TRIM5: variants seen among roughly 807,000 people sequenced by gnomAD.
TRIM5 encodes the protein tripartite motif containing 5.
TRIM5 carries 31 observed loss-of-function variants against 35.6 expected under a neutral mutation model. That is an observed-to-expected ratio of 0.87 (90% CI 0.65 to 1.18). TRIM5 has a LOEUF of 1.18. Among genes scored for constraint, TRIM5 ranks in the 50% most tolerant of loss-of-function variants. The probability of loss-of-function intolerance (pLI) is 0.00; values close to 1 mark genes in which losing one functional copy is unlikely to be tolerated. For synonymous variants in TRIM5, 243 were observed against 215.6 expected, an observed-to-expected ratio of 1.13 and a Z score of -1.11; for missense variants, 609 against 591.6, an observed-to-expected ratio of 1.03 and a Z score of -0.31.
chr11:5,620,998 T>C, the TRIM5 span, among the ~76,000 whole-genome samples: 1 of 152,236 alleles, frequency 6.6e-6, no homozygotes, highest in Non-Finnish European at 1.5e-5. Flanking sequence ...TTAGTCCCCA[T>C]ATCTTGGTGA....
the TRIM5 span, among the ~76,000 whole-genome samples, chr11:5,592,715 G>A: frequency 3.3e-5 from 5 of 151,968 alleles, no homozygotes; most frequent in Admixed American, 6.6e-5. Context: ...CCAGGAGTTT[G>A]AGATCAGCCT....
the TRIM5 span, among the ~76,000 whole-genome samples, chr11:5,601,036 T>C: frequency 1.3e-5 from 2 of 152,206 alleles, no homozygotes; most frequent in African/African-American, 4.8e-5. Context: ...AAGGTCATAT[T>C]TCTCAATGAA....
the TRIM5 span, among the ~76,000 whole-genome samples, chr11:5,650,855 C>G: frequency 6.6e-6 from 1 of 152,172 alleles, no homozygotes; most frequent in Admixed American, 6.5e-5. Context: ...TAGTAGGTAT[C>G]TACAGAAGAT....
chr11:5,675,493 G>A (rs1053467688), intron 4 of TRIM5, among the ~76,000 whole-genome samples: 1 of 151,990 alleles, frequency 6.6e-6, no homozygotes, highest in African/African-American at 2.4e-5. Flanking sequence ...CAATGTATGA[G>A]TAAGCTGTTG....
chr11:5,656,986 A>G, the TRIM5 span, among the ~76,000 whole-genome samples: 1 of 152,242 alleles, frequency 6.6e-6, no homozygotes, highest in Admixed American at 6.5e-5. Context: ...ATTGTAAATC[A>G]TTCTACTACA....
the TRIM5 span, among the ~76,000 whole-genome samples, chr11:5,653,000 C>A: frequency 6.6e-6 from 1 of 151,928 alleles, no homozygotes; most frequent in Non-Finnish European, 1.5e-5. Context: ...CTACAGGTGC[C>A]CACCAGCATA....
chr11:5,589,589 T>C, the TRIM5 span: 2 of 152,162 alleles, frequency 1.3e-5, no homozygotes, highest in Non-Finnish European at 2.9e-5. Context: ...GTGTTCATTT[T>C]ATATGTCCAT....
chr11:5,604,009 A>G, the TRIM5 span, among the ~76,000 whole-genome samples: 2 of 151,922 alleles, frequency 1.3e-5, no homozygotes, highest in Non-Finnish European at 2.9e-5. Context: ...TCATGTATTT[A>G]TTTTGAGAAG....
chr11:5,622,296 T>A, the TRIM5 span, among the ~76,000 whole-genome samples: 1 of 151,912 alleles, frequency 6.6e-6, no homozygotes, highest in African/African-American at 2.4e-5. Context: ...ATACAAAAAA[T>A]TAGCCGGGCG....
chr11:5,664,843 C>A lies in TRIM5; in HGVS notation c.1448G>T (p.Gly483Val). Residue 483 changes from glycine to valine, a missense_variant, in exon 8 of 8, where the codon GGA becomes GTA. By Grantham distance (109) the Gly-to-Val change is moderately radical (BLOSUM62 -3). Coordinates refer to ENST00000380034, the MANE Select transcript of TRIM5 (RefSeq NM_033034.3). ...TGGTGAGCACAGAGTCATGGGGACT[C>A]CACATTTTCTAGGATTTAAATATGG... ...VFPYLNPRKC[G>V]VPMTLCSPSS 1.2e-6 allele frequency: 2 copies of A among 1,609,190 alleles called. No individual in the cohort carries two copies. Among genetic ancestry groups the A allele is most frequent in the South Asian group, 2.2e-5 (2 of 90,106 alleles).
the TRIM5 span, chr11:5,611,099 T>A: frequency 5.0e-6 from 8 of 1,614,200 alleles, no homozygotes; most frequent in Non-Finnish European, 6.8e-6. Flanking sequence ...GGTTACAGCA[T>A]AACCATGAAT....
the TRIM5 span, among the ~76,000 whole-genome samples, chr11:5,597,434 T>G: frequency 6.6e-6 from 1 of 152,222 alleles, no homozygotes; most frequent in East Asian, 1.9e-4. Context: ...AAGTGGAAAT[T>G]AAATTTTTTG....
At chr11:5,611,141 G>C in the TRIM5 span, 1 of 1,614,104 alleles carries the variant, frequency 6.2e-7, no homozygotes, top group Non-Finnish European at 8.5e-7. Context: ...CCCCTTCCCT[G>C]CTTCTCTCCA....
At chr11:5,671,157 T>C (rs1361781347) in intron 4 of TRIM5, among the ~76,000 whole-genome samples, 3 of 151,994 alleles carry the variant, frequency 2.0e-5, no homozygotes, top group African/African-American at 4.8e-5. Context: ...GTTCAGGATG[T>C]CGAGGCTATA....
chr11:5,647,789 G>C, the TRIM5 span, among the ~76,000 whole-genome samples: 1 of 152,120 alleles, frequency 6.6e-6, no homozygotes, highest in Admixed American at 6.5e-5. Flanking sequence ...CCAAAGTGCT[G>C]GGATTATAAG....
chr11:5,653,219 T>C, the TRIM5 span, among the ~76,000 whole-genome samples: 1 of 152,206 alleles, frequency 6.6e-6, no homozygotes, highest in Non-Finnish European at 1.5e-5. Flanking sequence ...CCTGCGTAAC[T>C]GTATTCCTAG....
the TRIM5 span, among the ~76,000 whole-genome samples, chr11:5,647,771 T>C: frequency 4.6e-5 from 7 of 152,188 alleles, no homozygotes; most frequent in African/African-American, 1.7e-4. Flanking sequence ...TCCACCTGCC[T>C]TGGCCTCCCA....
At chr11:5,598,935 T>G in the TRIM5 span, among the ~76,000 whole-genome samples, 1 of 152,156 alleles carries the variant, frequency 6.6e-6, no homozygotes, top group Non-Finnish European at 1.5e-5. Context: ...TATTCACCCT[T>G]CAAATTTCCT....
chr11:5,674,808 A>G (rs1396009337), intron 4 of TRIM5, among the ~76,000 whole-genome samples: 2 of 152,256 alleles, frequency 1.3e-5, no homozygotes, highest in Non-Finnish European at 2.9e-5. Flanking sequence ...CAAATACTGT[A>G]TAACATCACT....
Sources: allele counts gnomAD v4.1 joint callset (sites outside exome capture counted in the v4.1 genomes callset), GRCh38; gene constraint gnomAD v4.1.1; transcripts MANE v1.5; gene names NCBI Gene and HGNC (gene_info 2026-07-23, HGNC 2026-07-21).